Variants in GALNT7 observed in about 807,000 individuals in gnomAD.
GALNT7 encodes the protein polypeptide N-acetylgalactosaminyltransferase 7, also known as N-acetylgalactosaminyltransferase 7.
A neutral mutation model predicts 82.1 loss-of-function variants in GALNT7; 60 were observed. The observed-to-expected ratio is 0.73, with a 90% confidence interval of 0.59 to 0.91. The LOEUF is 0.91. Among genes scored for constraint, GALNT7 ranks in the 40% least tolerant of loss-of-function variants. GALNT7 has a pLI of 0.00. For missense variants in GALNT7, 660 were observed against 804.2 expected, an observed-to-expected ratio of 0.82 and a Z score of 2.17; for synonymous variants, 243 against 275.1, an observed-to-expected ratio of 0.88 and a Z score of 1.15.
At chr4:173,294,745 C>T (rs1032273077) in intron 3 of GALNT7, among the ~76,000 whole-genome samples, 23 of 152,138 alleles carry the variant, frequency 1.5e-4, no homozygotes, top group Non-Finnish European at 4.4e-5. Context: ...TAACACAAAA[C>T]TTCCTCTACT....
chr4:173,244,275 T>C (rs1554023886), intron 1 of GALNT7, among the ~76,000 whole-genome samples: 1 of 152,206 alleles, frequency 6.6e-6, no homozygotes, highest in Non-Finnish European at 1.5e-5. Context: ...TCATGGATAG[T>C]GCTGAAGACA....
At chr4:173,188,176 A>G (rs1230329081) in intron 1 of GALNT7, among the ~76,000 whole-genome samples, 1 of 152,248 alleles carries the variant, frequency 6.6e-6, no homozygotes, top group African/African-American at 2.4e-5. Flanking sequence ...TTACATTCTT[A>G]ATTTAATCTT....
At position 173,303,996 on chromosome 4, in the gene GALNT7, A is replaced by T. The variant is rs143154840; in HGVS notation, c.1267A>T (p.Ile423Leu). ...TTCACAACGTGTTTTTCCTTCATAG[A>T]TATGGCAGTGTGGTGGCAAATTATT... ...GGENFEISYK[I>L]WQCGGKLLFV... The change falls in exon 8 of 12, where the codon ATA (isoleucine) becomes TTA (leucine). Residue 423 changes from isoleucine to leucine, a missense_variant and splice_region_variant. Coordinates refer to ENST00000265000, the MANE Select transcript of GALNT7 (RefSeq NM_017423.3). 6.8e-6 allele frequency: 11 copies of T among 1,607,262 alleles called. No individual in the cohort carries two copies. The East Asian group carries it at 2.5e-4, about 36-fold the overall frequency.
intron 1 of GALNT7, among the ~76,000 whole-genome samples, chr4:173,220,800 C>T (rs954495380): frequency 2.0e-5 from 3 of 152,228 alleles, no homozygotes; most frequent in East Asian, 1.9e-4. Context: ...TAATTTCCAA[C>T]TTCATCCATG....
At chr4:173,183,769 G>C (rs927987886) in intron 1 of GALNT7, among the ~76,000 whole-genome samples, 48 of 149,398 alleles carry the variant, frequency 3.2e-4, no homozygotes, top group African/African-American at 9.4e-4. Flanking sequence ...GGGGCGGCTG[G>C]CCTGGCAGGG....
chr4:173,315,252 A>G (rs1737552492), intron 9 of GALNT7, among the ~76,000 whole-genome samples: 1 of 152,174 alleles, frequency 6.6e-6, no homozygotes, highest in African/African-American at 2.4e-5. Context: ...AAGGGCCAGA[A>G]TGACATCGAG....
At chr4:173,278,283 A>G (rs1735988022) in intron 2 of GALNT7, among the ~76,000 whole-genome samples, 1 of 152,258 alleles carries the variant, frequency 6.6e-6, no homozygotes, top group Non-Finnish European at 1.5e-5. Flanking sequence ...ATATTTGAGT[A>G]AAGTGTTCAG....
At chr4:173,169,104 C>G in intron 1 of GALNT7, 143 bp downstream of exon 1, 1 of 610,354 alleles carries the variant, frequency 1.6e-6, no homozygotes. Flanking sequence ...CAGCGCGGGC[C>G]GAGGGGGTGC....
rs535257963 is a variant in GALNT7, at chr4:173,227,654, T to A, written c.127-20326T>A. Among the ~76,000 whole-genome samples, 4 of 152,328 alleles carry A rather than the reference T, an allele frequency of 2.6e-5. No homozygotes were observed. In the South Asian group the frequency reaches 8.3e-4, roughly 32 times the overall value. On this transcript the variant is annotated intron_variant, in intron 1 of 11. Coordinates refer to ENST00000265000, the MANE Select transcript of GALNT7 (RefSeq NM_017423.3). ...CCTCCTTCTTTTTTATAAGGATGTG[T>A]GCCTCTTCACATAGAGTGCTGTGTA...
intron 1 of GALNT7, among the ~76,000 whole-genome samples, chr4:173,201,842 T>G (rs1011503129): frequency 1.3e-5 from 2 of 152,198 alleles, no homozygotes; most frequent in Non-Finnish European, 2.9e-5. Flanking sequence ...CTTTCCTTAA[T>G]AGGAAGGCAG....
intron 2 of GALNT7, among the ~76,000 whole-genome samples, chr4:173,276,426 A>G (rs767577943): frequency 2.0e-5 from 3 of 152,224 alleles, no homozygotes; most frequent in Admixed American, 6.5e-5. Flanking sequence ...TCTATTAGCC[A>G]AGGAAAAGAA....
Position 173,321,780 on chromosome 4 carries a change from G to A in GALNT7, c.*63G>A, listed in dbSNP as rs901821956. 2.8e-5 allele frequency: 32 copies of A among 1,123,676 alleles called. 1 individual carries two copies. In the Admixed American group the frequency reaches 4.2e-4, roughly 15 times the overall value. 69.6% of individuals were successfully genotyped at this position (1,123,676 alleles called of 1,614,324 possible). A position where few individuals can be genotyped will look rare whatever the true frequency, so the allele number is the denominator to read the frequency against. On this transcript the variant is annotated 3_prime_UTR_variant, in exon 12 of 12. Transcript: ENST00000265000. The stretch of plus-strand genomic sequence containing the variant: ...GTAAATTTATACAGGACTGAAAACC[G>A]CCTGAAACCTGCTGCAACTATTGTT...
At chr4:173,182,029 C>A (rs2126628829) in intron 1 of GALNT7, among the ~76,000 whole-genome samples, 1 of 152,300 alleles carries the variant, frequency 6.6e-6, no homozygotes, top group Non-Finnish European at 1.5e-5. Context: ...TCCTTGACCA[C>A]CGCTCTGTTA....
intron 1 of GALNT7, among the ~76,000 whole-genome samples, chr4:173,237,012 G>T (rs139603031): frequency 6.6e-6 from 1 of 152,162 alleles, no homozygotes; most frequent in Admixed American, 6.5e-5. Flanking sequence ...AAAGTAAAAT[G>T]TCAAAAAGTT....
At chr4:173,310,188 A>G (rs898896024) in intron 8 of GALNT7, among the ~76,000 whole-genome samples, 3 of 152,138 alleles carry the variant, frequency 2.0e-5, no homozygotes, top group Non-Finnish European at 4.4e-5. Context: ...ATCCTCTTTG[A>G]TGTCCTTTAG....
chr4:173,252,569 G>A (rs1734886534), intron 2 of GALNT7, among the ~76,000 whole-genome samples: 2 of 152,180 alleles, frequency 1.3e-5, no homozygotes, highest in Non-Finnish European at 2.9e-5. Context: ...CACTGACTGA[G>A]TAATTTATTG....
intron 1 of GALNT7, among the ~76,000 whole-genome samples, chr4:173,176,976 A>G (rs1732067263): frequency 1.3e-5 from 2 of 152,352 alleles, no homozygotes; most frequent in Middle Eastern, 3.4e-3. Flanking sequence ...AACTGAATAC[A>G]GAGGAAGAGA....
intron 1 of GALNT7, among the ~76,000 whole-genome samples, chr4:173,236,271 C>T (rs745515089): frequency 4.6e-5 from 7 of 152,174 alleles, no homozygotes; most frequent in Admixed American, 6.5e-5. Flanking sequence ...GCAGCACTGC[C>T]ATTACCATAC....
intron 1 of GALNT7, among the ~76,000 whole-genome samples, chr4:173,242,390 G>T (rs1168817990): frequency 6.6e-6 from 1 of 152,118 alleles, no homozygotes; most frequent in Non-Finnish European, 1.5e-5. Context: ...GCTAACAGAG[G>T]CATTGCCATT....
Sources: gnomAD v4.1 joint callset for allele counts (sites outside exome capture counted in the v4.1 genomes callset) on GRCh38, gnomAD v4.1.1 for gene constraint, MANE v1.5 for transcripts, NCBI Gene and HGNC (gene_info 2026-07-23, HGNC 2026-07-21) for gene names.